Variants in SLC6A7 observed in about 807,000 individuals in gnomAD.
SLC6A7 encodes solute carrier family 6 member 7.
SLC6A7 carries 58 observed loss-of-function variants against 73.1 expected under a neutral mutation model. The observed-to-expected ratio is 0.79, with a 90% confidence interval of 0.64 to 0.99. The LOEUF is 0.99. Ranked by LOEUF, SLC6A7 falls within the 50% of genes least tolerant of loss-of-function variation. The probability of loss-of-function intolerance (pLI) is 0.00; values close to 1 mark genes in which losing one functional copy is unlikely to be tolerated. For synonymous variants in SLC6A7, 338 were observed against 338.7 expected (o/e 1.00, Z 0.02); for missense variants, 783 against 831.4 (o/e 0.94, Z 0.72).
At chr5:150,202,942 G>A (rs1237923099) in intron 8 of SLC6A7, among the ~76,000 whole-genome samples, 1 of 152,194 alleles carries the variant, frequency 6.6e-6, no homozygotes, top group African/African-American at 2.4e-5. Context: ...GGGCGTGGTG[G>A]CACATGCCTG....
intron 5 of SLC6A7, among the ~76,000 whole-genome samples, chr5:150,199,928 C>T (rs1362968167): frequency 1.3e-5 from 2 of 152,124 alleles, no homozygotes; most frequent in African/African-American, 2.4e-5. Flanking sequence ...GTTGTCTTTC[C>T]CCAGTTTGCA....
intron 5 of SLC6A7, among the ~76,000 whole-genome samples, chr5:150,200,184 C>T (rs576637286): frequency 5.3e-4 from 80 of 152,142 alleles, no homozygotes; most frequent in Non-Finnish European, 8.2e-4. Flanking sequence ...GTGGAAAGGA[C>T]GATAAAGCCA....
chr5:150,205,721 T>C, intron 13 of SLC6A7, 98 bp downstream of exon 13: 1 of 1,089,678 alleles, frequency 9.2e-7, no homozygotes, highest in Non-Finnish European at 1.3e-6. Flanking sequence ...CCACCCCTTA[T>C]CCAGCTTCTT....
rs752631542 is a variant in SLC6A7 at position 150,209,378 on chromosome 5, T to G, written c.1702-28T>G. On this transcript the variant is annotated intron_variant, in intron 13 of 13. Coordinates refer to ENST00000230671, the MANE Select transcript of SLC6A7 (RefSeq NM_014228.5). The stretch of plus-strand genomic sequence containing the variant: ...TCCACCAGCGCTGCCTGTTTCCTGT[T>G]TTCACTGCTCTCGTTGCTTTGCTGC... 31 of 1,601,036 alleles carry G rather than the reference T, an allele frequency of 1.9e-5. 1 individual carries two copies. The Admixed American group carries it at 2.3e-4, about 12-fold the overall frequency.
At chr5:150,209,334 G>T in intron 13 of SLC6A7, 72 bp from the exon 14 acceptor site, 1 of 1,277,774 alleles carries the variant, frequency 7.8e-7, no homozygotes, top group Non-Finnish European at 1.1e-6. Context: ...TTTGCTGGGT[G>T]TCTGGCCACA....
At chr5:150,199,541 A>G (rs866164667) in intron 5 of SLC6A7, among the ~76,000 whole-genome samples, 175 bp downstream of exon 5, 1 of 152,178 alleles carries the variant, frequency 6.6e-6, no homozygotes, top group South Asian at 2.1e-4. Context: ...CATGGAGGTG[A>G]GGACGCACGG....
chr5:150,197,338 G>A (rs1198958995), intron 4 of SLC6A7, 62 bp downstream of exon 4: 2 of 1,116,456 alleles, frequency 1.8e-6, no homozygotes, highest in Admixed American at 4.3e-5. Context: ...GGTGGCCAGA[G>A]GGCATCCCCC....
chr5:150,199,480 G>T, intron 5 of SLC6A7, 114 bp downstream of exon 5: 1 of 734,226 alleles, frequency 1.4e-6, no homozygotes, highest in Non-Finnish European at 2.3e-6. Flanking sequence ...CTGGGCAGAG[G>T]GGAAGGGAGA....
In SLC6A7 at chr5:150,203,919, G is replaced by A; in HGVS notation, c.1213G>A (p.Glu405Lys). 1.9e-6 allele frequency: 3 copies of A among 1,611,404 alleles called. No individual in the cohort carries two copies. Among genetic ancestry groups the A allele is most frequent in the Middle Eastern group, 1.7e-4 (1 of 6,050 alleles). The change falls in exon 10 of 14, where the codon GAG (glutamate) becomes AAG (lysine). Residue 405 changes from glutamate to lysine, a missense_variant. Transcript: ENST00000230671. ...LGLDSQFAFL[E>K]TIVTAVTDEF... is the part of the protein sequence containing the mutation. ...CCTCTCTCCTCAGTTTGCTTTTCTG[G>A]AGACCATTGTGACAGCTGTGACAGA...
In SLC6A7 at chr5:150,190,360, G is replaced by C; in HGVS notation, c.33G>C (p.Lys11Asn). Residue 11 changes from lysine to asparagine, a missense_variant and splice_region_variant, in exon 1 of 14, where the codon AAG becomes AAC. Lys to Asn is a moderately conservative substitution (Grantham distance 94). Coordinates refer to ENST00000230671, the MANE Select transcript of SLC6A7 (RefSeq NM_014228.5). MKKLQGAHLR[K>N]PVTPDLLMTP... is the part of the protein sequence containing the mutation. ...AGCTCCAGGGAGCTCACCTCCGCAA[G>C]GTAGGGCACGAGGGCGGGGGCGCTG... 1 of 1,496,884 alleles carries C rather than the reference G, an allele frequency of 6.7e-7. No homozygotes were observed. Among genetic ancestry groups the C allele is most frequent in the Non-Finnish European group, 8.9e-7 (1 of 1,125,110 alleles). The allele number at this position is 1,496,884 out of a possible 1,614,324, so 92.7% of individuals were successfully genotyped here. A position where few individuals can be genotyped will look rare whatever the true frequency, so the allele number is the denominator to read the frequency against.
chr5:150,190,313 C>T lies in SLC6A7; in HGVS notation c.-15C>T, dbSNP rs1459053260. ...CGCTCCGGGGCAGCTGAGCCCCGGC[C>T]ACCCGCTCTCCAAGATGAAGAAGCT... On this transcript the variant is annotated 5_prime_UTR_variant, in exon 1 of 14. Coordinates refer to ENST00000230671, the MANE Select transcript of SLC6A7 (RefSeq NM_014228.5). 4 of 1,511,628 alleles carry T rather than the reference C, an allele frequency of 2.6e-6. No individual in the cohort carries two copies. Among genetic ancestry groups the T allele is most frequent in the Non-Finnish European group, 3.5e-6 (4 of 1,130,870 alleles). 93.6% of individuals were successfully genotyped at this position (1,511,628 alleles called of 1,614,324 possible). A position where few individuals can be genotyped will look rare whatever the true frequency, so the allele number is the denominator to read the frequency against.
intron 1 of SLC6A7, among the ~76,000 whole-genome samples, chr5:150,192,708 C>G (rs1188521993): frequency 3.3e-5 from 5 of 152,292 alleles, no homozygotes; most frequent in Middle Eastern, 3.4e-3. Context: ...CAGCATCCTG[C>G]TCTTGGAACT....
Position 150,206,960 on chromosome 5 carries a change from G to C in SLC6A7, c.1701+1337G>C, listed in dbSNP as rs377749141. Among the ~76,000 whole-genome samples, 11 of 152,288 alleles carry C rather than the reference G, an allele frequency of 7.2e-5. No homozygotes were observed. In the East Asian group the frequency reaches 2.1e-3, roughly 29 times the overall value. Reference sequence around the variant, plus strand: ...AGGTGGAAGGGGCATGTTTTGGGGGGCTCGAGAGCTGTGGTGAGCACTGCG... The same window carrying C: ...AGGTGGAAGGGGCATGTTTTGGGGGCCTCGAGAGCTGTGGTGAGCACTGCG... On this transcript the variant is annotated intron_variant, in intron 13 of 13. Coordinates refer to ENST00000230671, the MANE Select transcript of SLC6A7 (RefSeq NM_014228.5).
At chr5:150,191,368 C>G (rs1480511605) in intron 1 of SLC6A7, among the ~76,000 whole-genome samples, 1 of 152,168 alleles carries the variant, frequency 6.6e-6, no homozygotes, top group Non-Finnish European at 1.5e-5. Context: ...CACACTCATT[C>G]ATTCAAGTTC....
intron 1 of SLC6A7, among the ~76,000 whole-genome samples, chr5:150,191,587 C>G (rs956948739): frequency 1.6e-4 from 25 of 152,102 alleles, no homozygotes; most frequent in African/African-American, 5.6e-4. Flanking sequence ...CCCGCCACCA[C>G]GCCTGGCTAA....
chr5:150,200,467 T>G (rs886214164), intron 5 of SLC6A7, among the ~76,000 whole-genome samples: 4 of 152,096 alleles, frequency 2.6e-5, no homozygotes, highest in Non-Finnish European at 5.9e-5. Flanking sequence ...CACTCCAGCC[T>G]GGGAGGCTGA....
rs114370001 is a variant in SLC6A7 at position 150,203,253 on chromosome 5, C to T, written c.1088-414C>T. On this transcript the variant is annotated intron_variant, in intron 8 of 13. Transcript: ENST00000230671. The stretch of plus-strand genomic sequence containing the variant: ...AATGAGTTTCTGTGCAAGATTGTCA[C>T]ATTTTGTGCTTTGGTTGCACAAATA... Among the ~76,000 whole-genome samples the T allele has an allele frequency of 1.4e-3, 216 of 152,254 alleles. 1 individual carries two copies. Among genetic ancestry groups the T allele is most frequent in the African/African-American group, 5.0e-3 (207 of 41,564 alleles).
intron 13 of SLC6A7, among the ~76,000 whole-genome samples, chr5:150,208,398 G>A (rs1163928648): frequency 2.0e-5 from 3 of 152,304 alleles, no homozygotes; most frequent in East Asian, 1.9e-4. Context: ...ACAGCATGGA[G>A]GCCAGTGCTG....
At chr5:150,207,278 CAG>C (rs1406522224) in intron 13 of SLC6A7, among the ~76,000 whole-genome samples, 2 of 152,056 alleles carry the variant, frequency 1.3e-5, no homozygotes, top group Admixed American at 6.5e-5. Flanking sequence ...TGTTTTGAGA[CAG>C]AGTTTCACTT....
Sources: gnomAD v4.1 joint callset for allele counts (sites outside exome capture counted in the v4.1 genomes callset) on GRCh38, gnomAD v4.1.1 for gene constraint, MANE v1.5 for transcripts, NCBI Gene and HGNC (gene_info 2026-07-23, HGNC 2026-07-21) for gene names.